The following GRIN2A variants were observed in gnomAD, a reference collection of about 807,000 sequenced individuals.
GRIN2A encodes glutamate ionotropic receptor NMDA type subunit 2A.
A neutral mutation model predicts 113.4 loss-of-function variants in GRIN2A; 22 were observed. That is an observed-to-expected ratio of 0.19 (90% confidence interval 0.14 to 0.28). GRIN2A has a LOEUF of 0.28. Ranked by LOEUF, GRIN2A falls within the 10% of genes least tolerant of loss-of-function variation. The pLI, the probability that GRIN2A is intolerant of heterozygous loss-of-function variation, is 1.00. For synonymous variants in GRIN2A, 827 were observed against 738.4 expected (o/e 1.12, Z -1.94); for missense variants, 1,502 against 1,887.0 (o/e 0.80, Z 3.78).
At chr16:9,769,177 A>G in intron 11 of GRIN2A, 88 bp from the exon 12 acceptor site, 1 of 992,164 alleles carries the variant, frequency 1.0e-6, no homozygotes, top group Non-Finnish European at 1.6e-6. Context: ...GACGATGTGC[A>G]ACTCACAGCT....
intron 4 of GRIN2A, among the ~76,000 whole-genome samples, chr16:9,876,339 G>C (rs566881158): frequency 3.9e-5 from 6 of 152,246 alleles, no homozygotes; most frequent in African/African-American, 1.4e-4. Flanking sequence ...TCACAGCTAT[G>C]CTTGATGCAC....
intron 2 of GRIN2A, among the ~76,000 whole-genome samples, chr16:9,966,331 C>T (rs1024381430): frequency 9.9e-5 from 15 of 152,264 alleles, no homozygotes; most frequent in African/African-American, 3.6e-4. Context: ...CATGTGTTCT[C>T]ATCATTTAGC....
At position 9,829,408 on chromosome 16, in the gene GRIN2A, G is replaced by C. The variant is rs76627672; in HGVS notation, c.2007+15C>G. ...GACCAACCCTCAGATGGAGAGGAAAGCAAGGTGACCTTACCTTTTTGTCAC... is the reference window on the plus strand; with the variant it reads ...GACCAACCCTCAGATGGAGAGGAAACCAAGGTGACCTTACCTTTTTGTCAC... On this transcript the variant is annotated intron_variant, in intron 9 of 12. Transcript: ENST00000330684. 1.3e-6 allele frequency: 2 copies of C among 1,563,560 alleles called. No individual in the cohort carries two copies. The highest frequency in any genetic ancestry group is 1.8e-6 in the Non-Finnish European group (2 of 1,134,532).
intron 2 of GRIN2A, among the ~76,000 whole-genome samples, chr16:9,985,641 A>AT (rs1362205572): frequency 6.6e-6 from 1 of 152,196 alleles, no homozygotes; most frequent in African/African-American, 2.4e-5. Flanking sequence ...AAAAAAAAAA[A>AT]ATTAAAACAA....
At chr16:10,060,956 G>A (rs939562045) in intron 2 of GRIN2A, among the ~76,000 whole-genome samples, 4 of 152,246 alleles carry the variant, frequency 2.6e-5, no homozygotes, top group South Asian at 4.2e-4. Flanking sequence ...ACCCAATGTC[G>A]GTTCTCCTTT....
chr16:9,820,090 A>G (rs1303326001), intron 10 of GRIN2A, among the ~76,000 whole-genome samples: 1 of 152,196 alleles, frequency 6.6e-6, no homozygotes, highest in Non-Finnish European at 1.5e-5. Context: ...TATGGCTTCC[A>G]GAAACCAATT....
chr16:10,016,414 G>A (rs1166666602), intron 2 of GRIN2A, among the ~76,000 whole-genome samples: 1 of 151,996 alleles, frequency 6.6e-6, no homozygotes, highest in Admixed American at 6.6e-5. Flanking sequence ...ACATGCATGG[G>A]AAAGAAAAGA....
At chr16:10,057,380 C>G (rs536299888) in intron 2 of GRIN2A, among the ~76,000 whole-genome samples, 6 of 152,248 alleles carry the variant, frequency 3.9e-5, no homozygotes, top group African/African-American at 1.4e-4. Context: ...CACTTAGGCC[C>G]TTCCAATATA....
chr16:10,052,164 G>A (rs2047370379), intron 2 of GRIN2A, among the ~76,000 whole-genome samples: 1 of 152,206 alleles, frequency 6.6e-6, no homozygotes, highest in African/African-American at 2.4e-5. Context: ...TACTGTAGGA[G>A]GAAATTAACA....
At chr16:10,122,057 C>G (rs555125879) in intron 2 of GRIN2A, among the ~76,000 whole-genome samples, 4 of 152,186 alleles carry the variant, frequency 2.6e-5, no homozygotes, top group Non-Finnish European at 4.4e-5. Flanking sequence ...CAGCAGGGAT[C>G]CCACTGAAGT....
At chr16:10,142,366 G>GCCCT (rs2142259082) in intron 2 of GRIN2A, among the ~76,000 whole-genome samples, 1 of 152,310 alleles carries the variant, frequency 6.6e-6, no homozygotes, top group South Asian at 2.1e-4. Context: ...ACACGTCAGA[G>GCCCT]CCCTGACTTA....
chr16:9,897,549 C>G (rs1011152799), intron 3 of GRIN2A, among the ~76,000 whole-genome samples: 10 of 152,072 alleles, frequency 6.6e-5, no homozygotes, highest in African/African-American at 2.4e-4. Flanking sequence ...AATGTGCCAT[C>G]CATGTAAAAA....
intron 2 of GRIN2A, among the ~76,000 whole-genome samples, chr16:10,066,609 C>T (rs905614610): frequency 6.6e-6 from 1 of 152,126 alleles, no homozygotes; most frequent in Non-Finnish European, 1.5e-5. Flanking sequence ...TACAAAGAGA[C>T]CCATGTTTCC....
At chr16:9,834,020 A>T (rs1175214618) in intron 8 of GRIN2A, 85 bp downstream of exon 8, 1 of 1,331,274 alleles carries the variant, frequency 7.5e-7, no homozygotes, top group Non-Finnish European at 1.1e-6. Flanking sequence ...CCTGGTCTAG[A>T]GTAATGTGTT....
At chr16:9,929,170 C>T (rs572047871) in intron 3 of GRIN2A, among the ~76,000 whole-genome samples, 1 of 152,226 alleles carries the variant, frequency 6.6e-6, no homozygotes, top group Non-Finnish European at 1.5e-5. Context: ...CCCTGCAAGA[C>T]CTTGCCCAGT....
intron 2 of GRIN2A, among the ~76,000 whole-genome samples, chr16:10,048,646 C>G (rs2047300766): frequency 6.6e-6 from 1 of 152,208 alleles, no homozygotes; most frequent in Non-Finnish European, 1.5e-5. Context: ...CAAACACTAA[C>G]ATAGCCCAGG....
In GRIN2A at chr16:9,760,143, A is replaced by G. The variant is rs1243872458; in HGVS notation, c.*3006T>C. The G allele has an allele frequency of 8.9e-6, 2 of 225,464 alleles. No homozygotes were observed. The highest frequency in any genetic ancestry group is 1.8e-5 in the Non-Finnish European group (2 of 113,202). The allele number at this position is 225,464 out of a possible 1,614,324, so 14.0% of individuals were successfully genotyped here. Reference sequence around the variant, plus strand: ...GAAATTTGGGCTCCTTGACATCAACAAATCTAAGAACTCAGAGCTGGGATA... The same window carrying G: ...GAAATTTGGGCTCCTTGACATCAACGAATCTAAGAACTCAGAGCTGGGATA... On this transcript the variant is annotated 3_prime_UTR_variant, in exon 13 of 13. Coordinates refer to ENST00000330684, the MANE Select transcript of GRIN2A (RefSeq NM_001134407.3).
chr16:9,933,979 C>T (rs2044655490), intron 3 of GRIN2A, among the ~76,000 whole-genome samples: 1 of 152,174 alleles, frequency 6.6e-6, no homozygotes, highest in Non-Finnish European at 1.5e-5. Context: ...AACACATGTA[C>T]ATGGATTTGG....
At chr16:10,045,536 A>G (rs149587425) in intron 2 of GRIN2A, among the ~76,000 whole-genome samples, 39 of 152,240 alleles carry the variant, frequency 2.6e-4, no homozygotes, top group African/African-American at 8.7e-4. Flanking sequence ...ATCCTGACTG[A>G]TCTTCTGCCA....
Sources: gnomAD v4.1 joint callset for allele counts (sites outside exome capture counted in the v4.1 genomes callset) on GRCh38, gnomAD v4.1.1 for gene constraint, MANE v1.5 for transcripts, NCBI Gene and HGNC (gene_info 2026-07-23, HGNC 2026-07-21) for gene names.